The following ZNF268 variants were observed in gnomAD, a reference collection of about 807,000 sequenced individuals.
ZNF268 encodes the protein zinc finger protein 3.
A neutral mutation model predicts 29.3 loss-of-function variants in ZNF268; 20 were observed. The observed-to-expected ratio is 0.68, with a 90% CI of 0.48 to 0.99. The LOEUF (loss-of-function observed/expected upper bound fraction) is 0.99, where lower values mean the gene tolerates loss of function less well. ZNF268 is among the 50% of genes least tolerant of loss of function. ZNF268 has a pLI of 0.00. For synonymous variants in ZNF268, 429 were observed against 376.9 expected (o/e 1.14, Z -1.60); for missense variants, 1,240 against 1,121.6 (o/e 1.11, Z -1.51).
Position 133,212,572 on chromosome 12 carries a change from TATA to T in ZNF268, c.*8047_*8049del, listed in dbSNP as rs1328066303. ...ATATACACATATATATACACATATA[TATA>T]ATAAGAACATTTACCATTTTAACTA... is the stretch of plus-strand genomic sequence containing the variant. On this transcript the variant is annotated 3_prime_UTR_variant, in exon 6 of 6. Transcript: ENST00000536435. The T allele has an allele frequency of 7.3e-5, 11 of 150,576 alleles. No homozygotes were observed. Among genetic ancestry groups the T allele is most frequent in the Middle Eastern group, 3.4e-3 (1 of 290 alleles). The allele number at this position is 150,576 out of a possible 1,614,324, so 9.3% of individuals were successfully genotyped here.
chr12:133,198,044 T>C (rs1222004116), intron 5 of ZNF268, among the ~76,000 whole-genome samples: 11 of 152,010 alleles, frequency 7.2e-5, no homozygotes, highest in Admixed American at 7.2e-4. Context: ...TTTAATTAGA[T>C]CCCATTTGTC....
chr12:133,192,107 CTTTTTTTT>C (rs200581552), intron 5 of ZNF268, 104 bp downstream of exon 5: 2 of 532,362 alleles, frequency 3.8e-6, no homozygotes, highest in Admixed American at 4.1e-5. Flanking sequence ...TTACCATGCA[CTTTTTTTT>C]TTTTTTTTTT....
At chr12:133,185,002 G>A (rs975765066) in intron 2 of ZNF268, among the ~76,000 whole-genome samples, 1 of 151,984 alleles carries the variant, frequency 6.6e-6, no homozygotes, top group Non-Finnish European at 1.5e-5. Context: ...TGGCCAACAT[G>A]GCGAAACCTC....
chr12:133,198,028 CTTTAG>C (rs1956654661), intron 5 of ZNF268, among the ~76,000 whole-genome samples: 1 of 151,930 alleles, frequency 6.6e-6, no homozygotes, highest in Non-Finnish European at 1.5e-5. Flanking sequence ...TGCAGAAGCT[CTTTAG>C]TTTAATTAGA....
chr12:133,182,435 C>T (rs769781127), intron 2 of ZNF268, among the ~76,000 whole-genome samples: 1 of 151,906 alleles, frequency 6.6e-6, no homozygotes, highest in Non-Finnish European at 1.5e-5. Context: ...GGGGCAGGTG[C>T]TAAAAATGCA....
At chr12:133,182,157 C>A in intron 2 of ZNF268, 127 bp downstream of exon 2, 1 of 846,866 alleles carries the variant, frequency 1.2e-6, no homozygotes, top group South Asian at 1.8e-5. Context: ...GCAACTGGAT[C>A]GTCATTTATA....
rs764672650 is a variant in ZNF268 at position 133,191,929 on chromosome 12, A to T, written c.383A>T (p.Asp128Val). 12 of 1,613,962 alleles carry T rather than the reference A, an allele frequency of 7.4e-6. No homozygotes were observed. The highest frequency in any genetic ancestry group is 4.0e-5 in the African/African-American group (3 of 74,900). The change falls in exon 5 of 6, where the codon GAT becomes GTT. Residue 128 changes from aspartate to valine, a missense_variant. This residue lies in a region of ZNF268 where 1,177 missense variants were observed against 1,039.6 expected (regional missense o/e 1.13). Transcript: ENST00000536435. ...ATAGGGTACCAACACACCAAACCTG[A>T]TATCATCTTCAAGTTGGAACAAGGA... ...VSLGYQHTKPDIIFKLEQGEE... is the reference protein window; with the variant it reads ...VSLGYQHTKPVIIFKLEQGEE...
intron 3 of ZNF268, among the ~76,000 whole-genome samples, chr12:133,188,566 C>T (rs1956383027): frequency 1.3e-5 from 2 of 151,898 alleles, no homozygotes; most frequent in Admixed American, 6.6e-5. Context: ...TCTCTTATTT[C>T]CTCATACTCA....
chr12:133,204,015 G>A lies in ZNF268; in HGVS notation c.2329G>A (p.Glu777Lys). 1.3e-6 allele frequency: 2 copies of A among 1,577,126 alleles called. No homozygotes were observed. The highest frequency in any genetic ancestry group is 1.7e-6 in the Non-Finnish European group (2 of 1,164,256). The part of the protein sequence containing the change: ...LISHQRTHAG[E>K]KPYGCSECGK... ...TTCACATCAGCGAACTCATGCAGGG[G>A]AAAAGCCTTATGGGTGCAGTGAATG... The change falls in exon 6 of 6, where the codon GAA (glutamate) becomes AAA (lysine). Residue 777 changes from glutamate (E) to lysine (K), a missense_variant. Transcript: ENST00000536435.
intron 2 of ZNF268, among the ~76,000 whole-genome samples, chr12:133,183,454 C>T (rs1352074107): frequency 2.7e-5 from 4 of 150,766 alleles, no homozygotes; most frequent in African/African-American, 7.3e-5. Flanking sequence ...CAGCCGAGAT[C>T]GCGCCACTGC....
In ZNF268 at chr12:133,191,544, T is replaced by G. The variant is rs913294163; in HGVS notation, c.290T>G (p.Leu97Arg). The change falls in exon 4 of 6, where the codon CTG becomes CGG. Residue 97 changes from leucine (L) to arginine (R), a missense_variant. Transcript: ENST00000536435. ...FVDFTWEEWQ[L>R]LDPAQKCLYR... ...GATTTTACCTGGGAGGAGTGGCAGC[T>G]GCTAGACCCAGCACAGAAGTGCCTG... 16 of 1,614,044 alleles carry G rather than the reference T, an allele frequency of 9.9e-6. No individual in the cohort carries two copies. Among genetic ancestry groups the G allele is most frequent in the Non-Finnish European group, 1.4e-5 (16 of 1,179,956 alleles).
At position 133,205,144 on chromosome 12, in the gene ZNF268, T is replaced by TAAAAAAAACAAAAAA; in HGVS notation, c.*622_*623insCAAAAAAAAAAAAAA. ...TAACCTCACCTTAGAAGCTTCATTC[T>TAAAAAAAACAAAAAA]AAAAAAAAAAAAAAAAAAAAAAAAA... On this transcript the variant is annotated 3_prime_UTR_variant, in exon 6 of 6. Transcript: ENST00000536435. The TAAAAAAAACAAAAAA allele has an allele frequency of 2.4e-5, 1 of 42,270 alleles. No individual in the cohort carries two copies. The highest frequency in any genetic ancestry group is 4.5e-5 in the Non-Finnish European group (1 of 22,218). The allele number at this position is 42,270 out of a possible 1,614,324, so 2.6% of individuals were successfully genotyped here. A position where few individuals can be genotyped will look rare whatever the true frequency, so the allele number is the denominator to read the frequency against.
chr12:133,199,879 A>G (rs915423965), intron 5 of ZNF268, among the ~76,000 whole-genome samples: 1 of 152,070 alleles, frequency 6.6e-6, no homozygotes, highest in African/African-American at 2.4e-5. Flanking sequence ...ATCGGTGGTG[A>G]AATCCCCTTT....
At chr12:133,192,388 G>A (rs1200455059) in intron 5 of ZNF268, among the ~76,000 whole-genome samples, 5 of 152,046 alleles carry the variant, frequency 3.3e-5, no homozygotes, top group African/African-American at 9.7e-5. Context: ...GATTACAGGC[G>A]TGAGCCAGCG....
At chr12:133,189,221 T>G in intron 3 of ZNF268, among the ~76,000 whole-genome samples, 1 of 150,140 alleles carries the variant, frequency 6.7e-6, no homozygotes, top group Non-Finnish European at 1.5e-5. Flanking sequence ...TTCCTTTTTT[T>G]TTTTTTTTTT....
In ZNF268 at chr12:133,207,340, AATCCATATTT is replaced by A. The variant is rs1956917671; in HGVS notation, c.*2811_*2820del. ...CCATATTTGTGAACATAGGTTTAAA[AATCCATATTT>A]GTGAACATAGGTTTAAAAATTCTAA... On this transcript the variant is annotated 3_prime_UTR_variant, in exon 6 of 6. Coordinates refer to ENST00000536435, the MANE Select transcript of ZNF268 (RefSeq NM_003415.3). 6.6e-6 allele frequency: 1 copy of A among 151,720 alleles called. No individual in the cohort carries two copies. The highest frequency in any genetic ancestry group is 1.5e-5 in the Non-Finnish European group (1 of 67,962). The allele number at this position is 151,720 out of a possible 1,614,324, so 9.4% of individuals were successfully genotyped here. A position where few individuals can be genotyped will look rare whatever the true frequency, so the allele number is the denominator to read the frequency against.
chr12:133,207,328 CATA>C lies in ZNF268; in HGVS notation c.*2799_*2801del, dbSNP rs1956917187. On this transcript the variant is annotated 3_prime_UTR_variant, in exon 6 of 6. Coordinates refer to ENST00000536435, the MANE Select transcript of ZNF268 (RefSeq NM_003415.3). ...AGGTTTAAAAATCCATATTTGTGAA[CATA>C]GGTTTAAAAATCCATATTTGTGAAC... The C allele has an allele frequency of 6.6e-6, 1 of 151,480 alleles. No individual in the cohort carries two copies. The highest frequency in any genetic ancestry group is 6.6e-5 in the Admixed American group (1 of 15,192). 9.4% of individuals were successfully genotyped at this position (151,480 alleles called of 1,614,324 possible).
chr12:133,202,644 A>C lies in ZNF268; in HGVS notation c.958A>C (p.Ile320Leu), dbSNP rs770687373. The C allele has an allele frequency of 6.2e-7, 1 of 1,605,644 alleles. No homozygotes were observed. ...AGACTTCAGTAGTAAATCATACCTC[A>C]TTGTACATCAGAGAATTCATACAGG... ...GKDFSSKSYL[I>L]VHQRIHTGEK... The change falls in exon 6 of 6, where the codon ATT (isoleucine) becomes CTT (leucine). Residue 320 changes from isoleucine (I) to leucine (L), a missense_variant. Transcript: ENST00000536435.
intron 2 of ZNF268, chr12:133,184,904 C>G (rs563873011): frequency 3.4e-6 from 1 of 296,290 alleles, no homozygotes; most frequent in East Asian, 8.2e-5. Flanking sequence ...TGGTGATGGG[C>G]TGTGTGTGGT....
Sources: gnomAD v4.1 joint callset for allele counts (sites outside exome capture counted in the v4.1 genomes callset) on GRCh38, gnomAD v4.1.1 for gene constraint, gnomAD v4.1.1 regional missense constraint, MANE v1.5 for transcripts, NCBI Gene and HGNC (gene_info 2026-07-23, HGNC 2026-07-21) for gene names.